PTPRR: variants seen among roughly 807,000 people sequenced by gnomAD.
PTPRR encodes the protein receptor-type tyrosine-protein phosphatase R.
PTPRR carries 38 observed loss-of-function variants against 77.2 expected under a neutral mutation model. The observed-to-expected ratio is 0.49, with a 90% CI of 0.38 to 0.65. The LOEUF is 0.65. PTPRR is among the 30% of genes least tolerant of loss of function. PTPRR has a pLI of 0.00. For synonymous variants in PTPRR, 299 were observed against 283.1 expected (o/e 1.06, Z -0.57); for missense variants, 744 against 799.2 (o/e 0.93, Z 0.83).
chr12:70,741,859 T>A (rs535749111), intron 6 of PTPRR, among the ~76,000 whole-genome samples: 14 of 152,264 alleles, frequency 9.2e-5, no homozygotes, highest in African/African-American at 2.9e-4. Context: ...GGTAGAGCCA[T>A]GAGAAATGGC....
At chr12:70,897,851 T>G (rs971995996) in intron 1 of PTPRR, among the ~76,000 whole-genome samples, 1 of 151,934 alleles carries the variant, frequency 6.6e-6, no homozygotes, top group Non-Finnish European at 1.5e-5. Flanking sequence ...TCATGTCCTT[T>G]GTAGGGACAT....
chr12:70,855,615 A>G (rs1038346822), intron 2 of PTPRR, among the ~76,000 whole-genome samples: 1 of 152,204 alleles, frequency 6.6e-6, no homozygotes, highest in African/African-American at 2.4e-5. Context: ...GCCAACCTTG[A>G]GCAAGCTTCC....
Position 70,745,950 on chromosome 12 carries a change from G to C in PTPRR, c.875C>G (p.Pro292Arg), listed in dbSNP as rs541464100. The change falls in exon 6 of 14, where the codon CCT becomes CGT. Residue 292 changes from proline to arginine, a missense_variant. Pro to Arg is a moderately radical substitution (Grantham distance 103). Around this residue, in one of 3 missense-constraint regions of PTPRR, gnomAD observed 570 missense variants for 573.2 expected, o/e 0.99. Coordinates refer to ENST00000283228, the MANE Select transcript of PTPRR (RefSeq NM_002849.4). ...EAKTVHSMVQ[P>R]EQAPKVLNVV... ...ATTCAGTACCTTTGGGGCCTGCTCA[G>C]GTTGGACCATGCTGTGGACTGTCTT... is the stretch of plus-strand genomic sequence containing the variant. The C allele has an allele frequency of 1.2e-5, 20 of 1,613,990 alleles. No homozygotes were observed. The highest frequency in any genetic ancestry group is 1.4e-5 in the Non-Finnish European group (17 of 1,180,020).
At chr12:70,754,895 A>C (rs35571440) in intron 4 of PTPRR, 41,697 of 564,578 alleles carry the variant, frequency 0.074, 2,098 homozygotes, top group African/African-American at 0.16. Flanking sequence ...AGAATATCAC[A>C]TATTTTTCTA....
intron 2 of PTPRR, among the ~76,000 whole-genome samples, chr12:70,765,373 T>G (rs1890792432): frequency 6.6e-6 from 1 of 152,174 alleles, no homozygotes; most frequent in African/African-American, 2.4e-5. Context: ...TCACCTGGCT[T>G]GGAGGGTCCT....
At chr12:70,723,419 T>C (rs1056889164) in intron 6 of PTPRR, among the ~76,000 whole-genome samples, 1 of 152,140 alleles carries the variant, frequency 6.6e-6, no homozygotes, top group Non-Finnish European at 1.5e-5. Context: ...TCTGAAATCA[T>C]TAAAAAGGAC....
intron 2 of PTPRR, among the ~76,000 whole-genome samples, chr12:70,837,366 G>A (rs1892322370): frequency 6.6e-6 from 1 of 152,100 alleles, no homozygotes; most frequent in Admixed American, 6.6e-5. Context: ...GCACTAATCA[G>A]CTAGTCTGAC....
intron 2 of PTPRR, among the ~76,000 whole-genome samples, chr12:70,865,887 C>A (rs1478373796): frequency 6.6e-6 from 1 of 152,078 alleles, no homozygotes; most frequent in East Asian, 1.9e-4. Context: ...GCAACCACCT[C>A]AAAACAAGAC....
At chr12:70,699,441 C>T (rs901073872) in intron 7 of PTPRR, among the ~76,000 whole-genome samples, 1 of 151,854 alleles carries the variant, frequency 6.6e-6, no homozygotes, top group Non-Finnish European at 1.5e-5. Context: ...AACAGCTATT[C>T]GTTTATTAAT....
chr12:70,820,318 G>A (rs1403841588), intron 2 of PTPRR, among the ~76,000 whole-genome samples: 1 of 152,108 alleles, frequency 6.6e-6, no homozygotes, highest in Non-Finnish European at 1.5e-5. Context: ...AGGCTCCCCT[G>A]AGCTCTTTTT....
At chr12:70,708,230 A>T (rs559552246) in intron 6 of PTPRR, among the ~76,000 whole-genome samples, 27 of 152,266 alleles carry the variant, frequency 1.8e-4, no homozygotes, top group African/African-American at 6.5e-4. Flanking sequence ...TCATGAACAG[A>T]TGGAGAGCAA....
chr12:70,681,366 G>T (rs550965537), intron 10 of PTPRR, among the ~76,000 whole-genome samples: 2 of 152,368 alleles, frequency 1.3e-5, no homozygotes, highest in South Asian at 2.1e-4. Context: ...CCATGTGGCT[G>T]TCAGGCAGCT....
chr12:70,864,189 C>G (rs1172930359), intron 2 of PTPRR, among the ~76,000 whole-genome samples: 1 of 152,176 alleles, frequency 6.6e-6, no homozygotes. Context: ...GACTGGCAAC[C>G]AGTCCCTAAT....
intron 1 of PTPRR, among the ~76,000 whole-genome samples, chr12:70,903,758 G>A (rs1565736757): frequency 6.6e-6 from 1 of 151,726 alleles, no homozygotes; most frequent in Non-Finnish European, 1.5e-5. Context: ...AAAGAAATTT[G>A]CTCTGTGAAA....
intron 2 of PTPRR, among the ~76,000 whole-genome samples, chr12:70,792,100 C>T (rs890523941): frequency 6.6e-6 from 1 of 152,128 alleles, no homozygotes; most frequent in Non-Finnish European, 1.5e-5. Context: ...GCTGGATAAA[C>T]CTGGGCTAGT....
chr12:70,697,285 T>G (rs113470656), intron 8 of PTPRR, among the ~76,000 whole-genome samples: 8 of 152,270 alleles, frequency 5.3e-5, no homozygotes, highest in African/African-American at 1.9e-4. Context: ...TAAAGTACTA[T>G]CTTGCTGTAG....
At chr12:70,745,679 C>T in intron 6 of PTPRR, 139 bp downstream of exon 6, 1 of 1,001,426 alleles carries the variant, frequency 1.0e-6, no homozygotes, top group Non-Finnish European at 1.4e-6. Flanking sequence ...AGACAAGAAA[C>T]ACTACTTCAT....
chr12:70,823,108 GACACACACACAC>G (rs58549756), intron 2 of PTPRR, among the ~76,000 whole-genome samples: 1,735 of 139,650 alleles, frequency 0.012, 19 homozygotes, highest in Middle Eastern at 0.022. Flanking sequence ...CTCTCTCTCT[GACACACACACAC>G]ACACACACAC....
chr12:70,763,681 C>T (rs1379241627), intron 3 of PTPRR, among the ~76,000 whole-genome samples: 1 of 152,156 alleles, frequency 6.6e-6, no homozygotes, highest in African/African-American at 2.4e-5. Flanking sequence ...AGCAGAAGCA[C>T]AGCAATTTAA....
Sources: gnomAD v4.1 joint callset for allele counts (sites outside exome capture counted in the v4.1 genomes callset) on GRCh38, gnomAD v4.1.1 for gene constraint, gnomAD v4.1.1 regional missense constraint, MANE v1.5 for transcripts, NCBI Gene and HGNC (gene_info 2026-07-23, HGNC 2026-07-21) for gene names.